The following LINGO2 variants were observed in gnomAD, a reference collection of about 807,000 sequenced individuals.
LINGO2 encodes the protein leucine rich repeat and Ig domain containing 2.
A neutral mutation model predicts 30.6 loss-of-function variants in LINGO2; 14 were observed. The ratio of observed to expected loss-of-function variants is 0.46; its 90% CI spans 0.30 to 0.72. The LOEUF is 0.72. LINGO2 is among the 30% of genes least tolerant of loss of function. The probability of loss-of-function intolerance (pLI) is 0.07; values close to 1 mark genes in which losing one functional copy is unlikely to be tolerated. For missense variants in LINGO2, 729 were observed against 751.7 expected (o/e 0.97, Z 0.35); for synonymous variants, 317 against 288.5 (o/e 1.10, Z -1.00).
chr9:29,211,594 T>TCC, the LINGO2 span, among the ~76,000 whole-genome samples: 2 of 151,806 alleles, frequency 1.3e-5, no homozygotes, highest in Non-Finnish European at 2.9e-5. Flanking sequence ...TCTCTCTCTC[T>TCC]CCCTCCCTCC....
At chr9:28,564,469 C>A (rs1481043729) in intron 1 of LINGO2, among the ~76,000 whole-genome samples, 2 of 152,088 alleles carry the variant, frequency 1.3e-5, no homozygotes, top group African/African-American at 4.8e-5. Flanking sequence ...ATTACAGTTA[C>A]AACTAACCAA....
the LINGO2 span, among the ~76,000 whole-genome samples, chr9:28,917,127 G>C: frequency 6.6e-6 from 1 of 152,190 alleles, no homozygotes; most frequent in Non-Finnish European, 1.5e-5. Flanking sequence ...GTCTAAAACA[G>C]AAAGCTGCTG....
At chr9:27,995,359 A>G (rs1310642377) in intron 5 of LINGO2, among the ~76,000 whole-genome samples, 2 of 151,442 alleles carry the variant, frequency 1.3e-5, no homozygotes, top group African/African-American at 2.5e-5. Context: ...AAATTTAAAA[A>G]GAAATACTTC....
intron 3 of LINGO2, among the ~76,000 whole-genome samples, chr9:28,345,045 T>C (rs1477570720): frequency 6.6e-6 from 1 of 152,040 alleles, no homozygotes; most frequent in Non-Finnish European, 1.5e-5. Flanking sequence ...TTCCCTTTGA[T>C]AGTGTCTTAT....
intron 4 of LINGO2, among the ~76,000 whole-genome samples, chr9:28,028,255 CTT>C (rs1391443859): frequency 3.3e-5 from 5 of 152,136 alleles, no homozygotes; most frequent in Admixed American, 1.3e-4. Flanking sequence ...GGTTGGTAGA[CTT>C]TTAACATAGC....
the LINGO2 span, among the ~76,000 whole-genome samples, chr9:29,115,415 C>A: frequency 2.1e-4 from 32 of 152,024 alleles, no homozygotes; most frequent in African/African-American, 7.7e-4. Flanking sequence ...AAATGAAACA[C>A]CAATCTTGAG....
the LINGO2 span, among the ~76,000 whole-genome samples, chr9:28,769,491 TATATATATATATATATATATATATA>T: frequency 7.4e-4 from 5 of 6,754 alleles, no homozygotes; most frequent in African/African-American, 1.5e-3. Context: ...TATATATATA[TATATATATATATATATATATATATA>T]TATTTTTTTT....
At chr9:27,982,393 G>A (rs1056735036) in intron 5 of LINGO2, among the ~76,000 whole-genome samples, 2 of 151,846 alleles carry the variant, frequency 1.3e-5, no homozygotes, top group Admixed American at 6.6e-5. Context: ...ACAGTTCAGT[G>A]TCAACACATA....
the LINGO2 span, among the ~76,000 whole-genome samples, chr9:28,947,278 T>C: frequency 6.6e-6 from 1 of 152,068 alleles, no homozygotes; most frequent in African/African-American, 2.4e-5. Context: ...GATAGTGCCA[T>C]AAAAAATAGT....
At chr9:28,960,482 G>A in the LINGO2 span, among the ~76,000 whole-genome samples, 1 of 151,404 alleles carries the variant, frequency 6.6e-6, no homozygotes, top group South Asian at 2.1e-4. Flanking sequence ...CAGCCTAGAT[G>A]ACAGGGTACG....
the LINGO2 span, among the ~76,000 whole-genome samples, chr9:28,881,565 T>G: frequency 1.3e-5 from 2 of 152,178 alleles, no homozygotes; most frequent in Admixed American, 6.5e-5. Flanking sequence ...TTTGACTGTA[T>G]TTTAAGTGAA....
intron 4 of LINGO2, among the ~76,000 whole-genome samples, chr9:28,088,127 C>T (rs1029721474): frequency 1.3e-5 from 2 of 151,536 alleles, no homozygotes; most frequent in South Asian, 2.1e-4. Context: ...GTTTTCTTAT[C>T]TATAGTATTG....
chr9:28,005,586 T>C (rs1190527257), intron 5 of LINGO2, among the ~76,000 whole-genome samples: 1 of 152,182 alleles, frequency 6.6e-6, no homozygotes, highest in Non-Finnish European at 1.5e-5. Context: ...ATCTTTTCTT[T>C]TTAAGTTTAA....
At chr9:28,380,478 TGGA>T (rs1299275553) in intron 2 of LINGO2, among the ~76,000 whole-genome samples, 1 of 150,856 alleles carries the variant, frequency 6.6e-6, no homozygotes, top group Non-Finnish European at 1.5e-5. Context: ...TGGAAATAGA[TGGA>T]GAAGTAGGAG....
chr9:28,907,837 A>T, the LINGO2 span, among the ~76,000 whole-genome samples: 26 of 151,656 alleles, frequency 1.7e-4, no homozygotes, highest in Non-Finnish European at 3.4e-4. Context: ...TTCTTGAAGA[A>T]ATTGCATTCG....
At chr9:28,301,427 C>A (rs13291924) in intron 3 of LINGO2, among the ~76,000 whole-genome samples, 2 of 150,210 alleles carry the variant, frequency 1.3e-5, no homozygotes, top group Non-Finnish European at 3.0e-5. Context: ...GGGGAAAAAA[C>A]AACTTCTGAA....
intron 4 of LINGO2, among the ~76,000 whole-genome samples, chr9:28,013,342 A>T (rs939821981): frequency 3.3e-5 from 5 of 152,144 alleles, no homozygotes; most frequent in Non-Finnish European, 1.5e-5. Flanking sequence ...AGACGATTGT[A>T]ACATGTAATA....
At chr9:28,081,457 TG>T (rs1254309921) in intron 4 of LINGO2, among the ~76,000 whole-genome samples, 5 of 152,172 alleles carry the variant, frequency 3.3e-5, no homozygotes, top group African/African-American at 1.2e-4. Context: ...GGCTTTCATG[TG>T]GTATATAATG....
the LINGO2 span, among the ~76,000 whole-genome samples, chr9:29,138,061 T>G: frequency 1.3e-5 from 2 of 151,990 alleles, no homozygotes; most frequent in Non-Finnish European, 2.9e-5. Context: ...TCTACTTCTA[T>G]AGTTTGCTTA....
Sources: gnomAD v4.1 joint callset for allele counts (sites outside exome capture counted in the v4.1 genomes callset) on GRCh38, gnomAD v4.1.1 for gene constraint, MANE v1.5 for transcripts, NCBI Gene and HGNC (gene_info 2026-07-23, HGNC 2026-07-21) for gene names.